Variants in UGT1A10 observed in about 807,000 individuals in gnomAD.
UGT1A10 encodes the protein UDP glucuronosyltransferase family 1 member A10.
Under a neutral mutation model 45.8 loss-of-function variants are expected in UGT1A10, and 49 were observed. That is an observed-to-expected ratio of 1.07 (90% CI 0.85 to 1.36). The LOEUF is 1.36. Among genes scored for constraint, UGT1A10 ranks in the 40% most tolerant of loss-of-function variants. The probability of loss-of-function intolerance (pLI) is 0.00; values close to 1 mark genes in which losing one functional copy is unlikely to be tolerated. For synonymous variants in UGT1A10, 284 were observed against 249.7 expected, an observed-to-expected ratio of 1.14 and a Z score of -1.29; for missense variants, 745 against 668.6, an observed-to-expected ratio of 1.11 and a Z score of -1.26.
At chr2:233,735,447 G>A (rs1470432521) in intron 1 of UGT1A10, among the ~76,000 whole-genome samples, 4 of 152,136 alleles carry the variant, frequency 2.6e-5, no homozygotes, top group Non-Finnish European at 5.9e-5. Flanking sequence ...ATACCGATGG[G>A]CCTTGACTCT....
At position 233,768,268 on chromosome 2, in the gene UGT1A10, T is replaced by A; in HGVS notation, c.1124T>A (p.Val375Asp). The change falls in exon 4 of 5, where the codon GTT becomes GAT. Residue 375 changes from valine to aspartate, a missense_variant. By Grantham distance (152) the Val-to-Asp change is radical. Coordinates refer to ENST00000344644, the MANE Select transcript of UGT1A10 (RefSeq NM_019075.4). ...AFITHAGSHG[V>D]YESICNGVPM... Reference sequence around the variant, plus strand: ...ATCACCCATGCTGGTTCCCATGGTGTTTATGAAAGCATATGCAATGGCGTT... The same window carrying A: ...ATCACCCATGCTGGTTCCCATGGTGATTATGAAAGCATATGCAATGGCGTT... 1 of 1,614,178 alleles carries A rather than the reference T, an allele frequency of 6.2e-7. No homozygotes were observed. The highest frequency in any genetic ancestry group is 8.5e-7 in the Non-Finnish European group (1 of 1,180,024).
chr2:233,722,557 T>C (rs910752040), intron 1 of UGT1A10, among the ~76,000 whole-genome samples: 1 of 152,244 alleles, frequency 6.6e-6, no homozygotes, highest in Non-Finnish European at 1.5e-5. Flanking sequence ...TTTTGGTTGA[T>C]TTGTAGCTGC....
chr2:233,766,145 C>G (rs1400021152), intron 1 of UGT1A10, among the ~76,000 whole-genome samples: 2 of 152,164 alleles, frequency 1.3e-5, no homozygotes, highest in Non-Finnish European at 2.9e-5. Flanking sequence ...CGAATCCCAC[C>G]TGGGCTTGGA....
At position 233,746,588 on chromosome 2, in the gene UGT1A10, TGA is replaced by T. The variant is rs1470732385; in HGVS notation, c.856-20444_856-20443del. Among the ~76,000 whole-genome samples the T allele has an allele frequency of 2.0e-5, 3 of 151,754 alleles. 1 individual carries two copies. The highest frequency in any genetic ancestry group is 7.3e-5 in the African/African-American group (3 of 41,048). On this transcript the variant is annotated intron_variant, in intron 1 of 4. Coordinates refer to ENST00000344644, the MANE Select transcript of UGT1A10 (RefSeq NM_019075.4). ...ACCACACCCTGTAATTGCCTAGTTG[TGA>T]GTTTGTCTCTGTTCACCTGACCCCT...
rs116287140 is a variant in UGT1A10, at chr2:233,728,043, T to C, written c.856-38991T>C. 7.7e-3 allele frequency among the ~76,000 whole-genome samples: 1,172 copies of C among 152,330 alleles called. 16 individuals are homozygous for C. The highest frequency in any genetic ancestry group is 0.027 in the African/African-American group (1,131 of 41,566). On this transcript the variant is annotated intron_variant, in intron 1 of 4. Transcript: ENST00000344644. ...GTGACTTTCTGGAGTAGGATAAGCC[T>C]CATTGGGCTTGAGGCCCTTGTGAGT...
chr2:233,745,820 G>A (rs894778963), intron 1 of UGT1A10, among the ~76,000 whole-genome samples: 23 of 151,370 alleles, frequency 1.5e-4, no homozygotes, highest in African/African-American at 5.1e-4. Context: ...TGAGAGCAAG[G>A]CAGAGGACTC....
intron 1 of UGT1A10, chr2:233,729,450 G>C (rs1394250627): frequency 3.1e-6 from 5 of 1,614,082 alleles, no homozygotes; most frequent in Non-Finnish European, 3.4e-6. Flanking sequence ...ATTTTCTGAA[G>C]AAATTTTTCA....
intron 1 of UGT1A10, among the ~76,000 whole-genome samples, chr2:233,656,505 A>G (rs959413111): frequency 6.6e-6 from 1 of 152,244 alleles, no homozygotes; most frequent in African/African-American, 2.4e-5. Flanking sequence ...CTGCTAGAGA[A>G]AAAGAAAAAC....
At chr2:233,667,022 GC>G (rs1559331549) in intron 1 of UGT1A10, among the ~76,000 whole-genome samples, 1 of 152,086 alleles carries the variant, frequency 6.6e-6, no homozygotes, top group Non-Finnish European at 1.5e-5. Context: ...GTGTGTATGT[GC>G]CACATTTTCT....
At chr2:233,683,466 T>A (rs537888718) in intron 1 of UGT1A10, among the ~76,000 whole-genome samples, 8 of 152,276 alleles carry the variant, frequency 5.3e-5, no homozygotes, top group Admixed American at 2.0e-4. Flanking sequence ...TTACATTATA[T>A]ATATTTTCAT....
chr2:233,647,258 C>G (rs2073629714), intron 1 of UGT1A10, among the ~76,000 whole-genome samples: 1 of 152,214 alleles, frequency 6.6e-6, no homozygotes, highest in Admixed American at 6.5e-5. Context: ...TGGGTGGGGA[C>G]ACAGCCAAAC....
chr2:233,716,114 C>A (rs1457178462), intron 1 of UGT1A10, among the ~76,000 whole-genome samples: 2 of 152,082 alleles, frequency 1.3e-5, no homozygotes, highest in Admixed American at 1.3e-4. Flanking sequence ...TTAGTTTTTC[C>A]ATCTTAGTTT....
At chr2:233,648,177 A>G (rs2073649864) in intron 1 of UGT1A10, 1 of 961,594 alleles carries the variant, frequency 1.0e-6, no homozygotes, top group Non-Finnish European at 1.5e-6. Flanking sequence ...GTTCATCCAA[A>G]TGTTTAGAAT....
In UGT1A10 at chr2:233,725,323, G is replaced by T. The variant is rs1370271039; in HGVS notation, c.856-41711G>T. Among the ~76,000 whole-genome samples the T allele has an allele frequency of 2.0e-5, 2 of 97,652 alleles. 1 individual carries two copies. The highest frequency in any genetic ancestry group is 4.3e-5 in the Non-Finnish European group (2 of 46,066). 64.1% of individuals were successfully genotyped at this position (97,652 alleles called of 152,430 possible). The stretch of plus-strand genomic sequence containing the variant: ...GCAGAGGCAGAGGCAGAGGCGCCTG[G>T]TCAACAATCTTAAGTCCAATAAGAA... On this transcript the variant is annotated intron_variant, in intron 1 of 4. Transcript: ENST00000344644.
chr2:233,638,190 T>C (rs2073353049), intron 1 of UGT1A10, among the ~76,000 whole-genome samples: 1 of 152,198 alleles, frequency 6.6e-6, no homozygotes, highest in Non-Finnish European at 1.5e-5. Context: ...CACTATTTAT[T>C]CAGATCTTGT....
At chr2:233,762,238 A>G (rs1231676264) in intron 1 of UGT1A10, among the ~76,000 whole-genome samples, 1 of 152,096 alleles carries the variant, frequency 6.6e-6, no homozygotes, top group East Asian at 1.9e-4. Context: ...CCTAAGGCAC[A>G]GAATAGGCAC....
chr2:233,727,605 T>G (rs973059053), intron 1 of UGT1A10, among the ~76,000 whole-genome samples: 2 of 152,184 alleles, frequency 1.3e-5, no homozygotes, highest in African/African-American at 4.8e-5. Flanking sequence ...GTTGGAGGAA[T>G]AGTTCAGAGG....
At chr2:233,678,818 C>T (rs1352104099) in intron 1 of UGT1A10, among the ~76,000 whole-genome samples, 1 of 152,192 alleles carries the variant, frequency 6.6e-6, no homozygotes, top group East Asian at 1.9e-4. Context: ...CTCCAAGAGT[C>T]ATATTTTGAA....
At chr2:233,719,091 C>G in intron 1 of UGT1A10, 7 of 1,614,254 alleles carry the variant, frequency 4.3e-6, no homozygotes, top group Middle Eastern at 1.6e-4. Flanking sequence ...GGAATTTGAT[C>G]GCGTTACGCT....
Sources: gnomAD v4.1 joint callset for allele counts (sites outside exome capture counted in the v4.1 genomes callset) on GRCh38, gnomAD v4.1.1 for gene constraint, MANE v1.5 for transcripts, NCBI Gene and HGNC (gene_info 2026-07-23, HGNC 2026-07-21) for gene names.